The following ZFHX3 variants were observed in gnomAD, a reference collection of about 807,000 sequenced individuals.
ZFHX3 encodes the protein zinc finger homeobox protein 3.
In ZFHX3, 42 loss-of-function variants were observed where a neutral mutation model predicts 279.1. The observed-to-expected ratio is 0.15, with a 90% CI of 0.12 to 0.19. ZFHX3 has a LOEUF of 0.19. ZFHX3 is among the 10% of genes least tolerant of loss of function. The pLI is 1.00. For missense variants in ZFHX3, 4,981 were observed against 4,754.0 expected, an observed-to-expected ratio of 1.05 and a Z score of -1.40; for synonymous variants, 2,293 against 1,957.8, an observed-to-expected ratio of 1.17 and a Z score of -4.52.
chr16:73,102,556 T>C (rs149654249), intron 7 of ZFHX3, among the ~76,000 whole-genome samples: 1 of 152,330 alleles, frequency 6.6e-6, no homozygotes, highest in Non-Finnish European at 1.5e-5. Context: ...TGTGTATAGA[T>C]TTTTGACCTT....
At chr16:73,050,359 G>A (rs1965427220), upstream of ZFHX3, among the ~76,000 whole-genome samples, 1 of 152,194 alleles carries the variant, frequency 6.6e-6, no homozygotes, top group South Asian at 2.1e-4. Context: ...GTAGAACTGA[G>A]AGTGACCCTG....
chr16:73,523,425 G>A (rs74535760), intron 2 of ZFHX3, among the ~76,000 whole-genome samples: 58 of 152,228 alleles, frequency 3.8e-4, no homozygotes, highest in African/African-American at 1.2e-3. Context: ...CCCTAGAGGC[G>A]GGGTTGGTGC....
At chr16:73,197,228 A>G (rs1968169998) in intron 5 of ZFHX3, among the ~76,000 whole-genome samples, 1 of 152,234 alleles carries the variant, frequency 6.6e-6, no homozygotes. Context: ...AAAGATCAAG[A>G]TATATCAATT....
chr16:73,417,069 C>A (rs1434344847), intron 3 of ZFHX3, among the ~76,000 whole-genome samples: 1 of 152,018 alleles, frequency 6.6e-6, no homozygotes, highest in Non-Finnish European at 1.5e-5. Flanking sequence ...GCATATAATA[C>A]CCTGAGAAGG....
intron 1 of ZFHX3, among the ~76,000 whole-genome samples, chr16:73,001,662 A>T (rs1567626683): frequency 4.0e-5 from 6 of 148,726 alleles, no homozygotes; most frequent in Admixed American, 3.3e-4. Flanking sequence ...AATTTTTTTT[A>T]AAAAAAGGTT....
chr16:73,703,008 T>C (rs912334081), intron 1 of ZFHX3, among the ~76,000 whole-genome samples: 1 of 151,890 alleles, frequency 6.6e-6, no homozygotes, highest in African/African-American at 2.4e-5. Context: ...GTGGTGATAG[T>C]GAAAGAGGAG....
intron 1 of ZFHX3, among the ~76,000 whole-genome samples, chr16:72,995,659 G>C (rs958331797): frequency 1.3e-5 from 2 of 152,258 alleles, no homozygotes; most frequent in Middle Eastern, 6.8e-3. Flanking sequence ...GGCATGGTGT[G>C]CAGCAAGAAC....
chr16:73,517,086 G>C (rs145314645), intron 2 of ZFHX3, among the ~76,000 whole-genome samples: 4 of 152,252 alleles, frequency 2.6e-5, no homozygotes, highest in African/African-American at 7.2e-5. Flanking sequence ...AATCCATCAG[G>C]CTGAGCGGGT....
At chr16:73,145,448 C>T (rs868536892) in intron 5 of ZFHX3, among the ~76,000 whole-genome samples, 1 of 152,168 alleles carries the variant, frequency 6.6e-6, no homozygotes, top group African/African-American at 2.4e-5. Flanking sequence ...AGGACCTTAC[C>T]CTGGGGGGAG....
chr16:73,637,230 C>CT (rs1215790905), intron 2 of ZFHX3, among the ~76,000 whole-genome samples: 7,288 of 121,638 alleles, frequency 0.06, 616 homozygotes, highest in African/African-American at 0.18. Flanking sequence ...TTTTTTTGTT[C>CT]TTTTTTTTTT....
Position 73,526,625 on chromosome 16 carries a change from C to T in ZFHX3, c.-1546-70367G>A, listed in dbSNP as rs543693194. Among the ~76,000 whole-genome samples the T allele has an allele frequency of 3.9e-5, 6 of 152,242 alleles. No homozygotes were observed. The East Asian group carries it at 9.7e-4, about 25-fold the overall frequency. ...TTCTAATTTATTGGTTAATTCTGAG[C>T]GGGGATGAGGAGAACTGCTGGCTGT... On this transcript the variant is annotated intron_variant, in intron 2 of 17. Transcript: ENST00000641206.
chr16:73,882,154 A>G (rs2030188556), intron 1 of ZFHX3, among the ~76,000 whole-genome samples: 1 of 152,082 alleles, frequency 6.6e-6, no homozygotes, highest in Non-Finnish European at 1.5e-5. Context: ...CTGATCAATA[A>G]TGTTTCTGGT....
In ZFHX3 at chr16:72,958,830, G is replaced by T; in HGVS notation, c.1316C>A (p.Ala439Glu). 2 of 1,613,958 alleles carry T rather than the reference G, an allele frequency of 1.2e-6. No homozygotes were observed. Among genetic ancestry groups the T allele is most frequent in the Non-Finnish European group, 1.7e-6 (2 of 1,180,024 alleles). Reference protein sequence around the residue: ...KSSEGKDSGAAEGEKQEVGDG... With the variant: ...KSSEGKDSGAEEGEKQEVGDG... ...GCCCACTTCCTGCTTCTCTCCTTCTGCCGCCCCAGAGTCCTTGCCCTCTGA... is the reference window on the plus strand; with the variant it reads ...GCCCACTTCCTGCTTCTCTCCTTCTTCCGCCCCAGAGTCCTTGCCCTCTGA... The change falls in exon 2 of 10, where the codon GCA becomes GAA. Residue 439 changes from alanine to glutamate, a missense_variant. Ala to Glu is a moderately radical substitution (Grantham distance 107, BLOSUM62 -1). Coordinates refer to ENST00000268489, the MANE Select transcript of ZFHX3 (RefSeq NM_006885.4).
At chr16:73,079,708 G>GAACAAT (rs929479339) in intron 8 of ZFHX3, among the ~76,000 whole-genome samples, 4 of 152,002 alleles carry the variant, frequency 2.6e-5, no homozygotes, top group Non-Finnish European at 5.9e-5. Flanking sequence ...ACAAGAACAA[G>GAACAAT]AACAGTAACA....
intron 2 of ZFHX3, among the ~76,000 whole-genome samples, chr16:73,474,462 T>G (rs1436426687): frequency 6.6e-6 from 1 of 152,172 alleles, no homozygotes; most frequent in Non-Finnish European, 1.5e-5. Flanking sequence ...TCTTTTACTA[T>G]TAAAAAATAT....
chr16:73,359,672 C>T (rs1400739090), intron 3 of ZFHX3, among the ~76,000 whole-genome samples: 1 of 152,168 alleles, frequency 6.6e-6, no homozygotes, highest in African/African-American at 2.4e-5. Context: ...TGGCATGGAA[C>T]GTCTGGAGCT....
At chr16:73,111,981 A>T (rs532767506) in intron 7 of ZFHX3, among the ~76,000 whole-genome samples, 1 of 152,016 alleles carries the variant, frequency 6.6e-6, no homozygotes, top group African/African-American at 2.4e-5. Context: ...CTCTACCAAG[A>T]ATCGCTTTAG....
chr16:72,787,533 A>T lies in ZFHX3; in HGVS notation c.10743T>A (p.Pro3581=), dbSNP rs1478122967. Residue 3581 remains proline (P), a synonymous_variant, in exon 10 of 10, where the codon CCT becomes CCA. Transcript: ENST00000268489. The part of the protein sequence containing the change: ...LLPHSACFPD[P]STASTSQSAA... ...CAGACTGCGAGGTAGATGCGGTGCT[A>T]GGATCGGGGAAGCAGGCAGAGTGAG... 2 of 1,613,798 alleles carry T rather than the reference A, an allele frequency of 1.2e-6. No homozygotes were observed. Among genetic ancestry groups the T allele is most frequent in the Non-Finnish European group, 1.7e-6 (2 of 1,179,944 alleles).
intron 4 of ZFHX3, among the ~76,000 whole-genome samples, chr16:73,301,898 C>T (rs577111753): frequency 2.6e-5 from 4 of 151,996 alleles, no homozygotes; most frequent in Non-Finnish European, 4.4e-5. Context: ...TGCAAAGAAG[C>T]GGAGATGAAA....
Sources: allele counts gnomAD v4.1 joint callset (sites outside exome capture counted in the v4.1 genomes callset), GRCh38; gene constraint gnomAD v4.1.1; transcripts MANE v1.5; gene names NCBI Gene and HGNC (gene_info 2026-07-23, HGNC 2026-07-21).